Variants in ARHGEF7 observed in about 807,000 individuals in gnomAD.
The protein encoded by ARHGEF7 is Rho guanine nucleotide exchange factor 7.
Under a neutral mutation model 109.8 loss-of-function variants are expected in ARHGEF7, and 33 were observed. The observed-to-expected ratio is 0.30, with a 90% CI of 0.23 to 0.40. The LOEUF (loss-of-function observed/expected upper bound fraction) is 0.40. Among genes scored for constraint, ARHGEF7 ranks in the 10% least tolerant of loss-of-function variants. The pLI is 1.00. For missense variants in ARHGEF7, 938 were observed against 1,098.5 expected (o/e 0.85, Z 2.07); for synonymous variants, 458 against 424.6 (o/e 1.08, Z -0.97).
intron 5 of ARHGEF7, among the ~76,000 whole-genome samples, chr13:111,232,990 G>A (rs995789754): frequency 6.6e-6 from 1 of 152,118 alleles, no homozygotes; most frequent in East Asian, 1.9e-4. Flanking sequence ...AACAGGGTGG[G>A]GATGGGGTGC....
At chr13:111,201,786 C>T (rs1320507645) in intron 2 of ARHGEF7, among the ~76,000 whole-genome samples, 1 of 152,134 alleles carries the variant, frequency 6.6e-6, no homozygotes, top group Non-Finnish European at 1.5e-5. Flanking sequence ...TCTCAGCCCT[C>T]TTCCTTCTTC....
rs193179496 is a variant in ARHGEF7, at chr13:111,266,429, C to T, written c.951-1119C>T. ...GTGCCTTGCACTCTTTCTGTTTAGTCGTGTGATGATTTCTTTGATTGACTT... is the reference window on the plus strand; with the variant it reads ...GTGCCTTGCACTCTTTCTGTTTAGTTGTGTGATGATTTCTTTGATTGACTT... On this transcript the variant is annotated intron_variant, in intron 8 of 21. Transcript: ENST00000646102. The surrounding 1 kb of genome is among the most constrained non-coding windows in gnomAD (Gnocchi z 4.8). Among the ~76,000 whole-genome samples, 12 of 152,134 alleles carry T rather than the reference C, an allele frequency of 7.9e-5. No homozygotes were observed. The East Asian group carries it at 2.1e-3, about 27-fold the overall frequency.
At chr13:111,269,176 G>A (rs1168654196) in intron 9 of ARHGEF7, among the ~76,000 whole-genome samples, 7 of 151,992 alleles carry the variant, frequency 4.6e-5, no homozygotes, top group Non-Finnish European at 8.8e-5. Flanking sequence ...TGTCCACAGC[G>A]TCTCCAAGCG....
intron 5 of ARHGEF7, among the ~76,000 whole-genome samples, chr13:111,230,824 G>C (rs574281135): frequency 6.6e-6 from 1 of 152,206 alleles, no homozygotes; most frequent in African/African-American, 2.4e-5. Flanking sequence ...TTTTTCCTAG[G>C]GGAGAAAAGG....
At chr13:111,299,054 G>A (rs1410777456) in intron 19 of ARHGEF7, among the ~76,000 whole-genome samples, 5 of 152,286 alleles carry the variant, frequency 3.3e-5, no homozygotes, top group Admixed American at 1.3e-4. Flanking sequence ...TCTTATGCCC[G>A]CGAGGATGAA....
intron 5 of ARHGEF7, among the ~76,000 whole-genome samples, chr13:111,218,661 T>C (rs951332467): frequency 1.3e-5 from 2 of 152,196 alleles, no homozygotes; most frequent in East Asian, 3.9e-4. Context: ...AAATTGTAGC[T>C]CTGCTCTAGG....
At chr13:111,286,081 T>C in intron 16 of ARHGEF7, 66 bp from the exon 17 acceptor site, 6 of 1,318,148 alleles carry the variant, frequency 4.6e-6, no homozygotes, top group Non-Finnish European at 6.5e-6. Context: ...ACAGCAGCCT[T>C]TCTGATATGC....
At position 111,131,318 on chromosome 13, in the gene ARHGEF7, T is replaced by G. The variant is rs982524238; in HGVS notation, c.165+15627T>G. Among the ~76,000 whole-genome samples the G allele has an allele frequency of 6.6e-6, 1 of 151,988 alleles. No individual in the cohort carries two copies. Among genetic ancestry groups the G allele is most frequent in the Non-Finnish European group, 1.5e-5 (1 of 68,004 alleles). ...TTTGGGTGACTCCTGGGTTTCTGGT[T>G]GCACAACAGGATAGATGGGGCGGTC... On this transcript the variant is annotated intron_variant, in intron 1 of 21. Transcript: ENST00000646102. The surrounding 1 kb of genome is among the most constrained non-coding windows in gnomAD (Gnocchi z 4.4).
intron 2 of ARHGEF7, among the ~76,000 whole-genome samples, chr13:111,189,569 G>A (rs1330748409): frequency 6.6e-6 from 1 of 152,230 alleles, no homozygotes; most frequent in Non-Finnish European, 1.5e-5. Flanking sequence ...AGAATGAGCA[G>A]CAGCAAGATT....
rs371063902 is a variant in ARHGEF7, at chr13:111,156,701, G to T, written c.252+2710G>T. 2.0e-5 allele frequency among the ~76,000 whole-genome samples: 3 copies of T among 152,222 alleles called. No individual in the cohort carries two copies. In the East Asian group the frequency reaches 5.8e-4, roughly 29 times the overall value. ...TTTCCCAGTGTTTAAGAATTGCTTA[G>T]GGAGTCAGGAGGGAAGGGCCTTGCA... On this transcript the variant is annotated intron_variant, in intron 2 of 21. Coordinates refer to ENST00000646102, the MANE Select transcript of ARHGEF7 (RefSeq NM_001354046.2).
chr13:111,240,076 A>G (rs1285850766), intron 6 of ARHGEF7, among the ~76,000 whole-genome samples: 3 of 152,170 alleles, frequency 2.0e-5, no homozygotes, highest in African/African-American at 7.2e-5. Context: ...AAAAAGGGAA[A>G]CAGACCGATA....
At chr13:111,287,621 C>T (rs541128350) in intron 17 of ARHGEF7, among the ~76,000 whole-genome samples, 5 of 152,330 alleles carry the variant, frequency 3.3e-5, no homozygotes, top group South Asian at 4.1e-4. Context: ...GGTGCCAGGG[C>T]GCCATTTGAG....
intron 4 of ARHGEF7, 41 bp from the exon 5 acceptor site, chr13:111,217,638 T>C (rs2083297826): frequency 6.5e-7 from 1 of 1,536,704 alleles, no homozygotes. Flanking sequence ...AAGTAGACTG[T>C]TCTTGGTATA....
intron 12 of ARHGEF7, among the ~76,000 whole-genome samples, chr13:111,276,972 A>G (rs1238442100): frequency 6.6e-6 from 1 of 152,148 alleles, no homozygotes; most frequent in Non-Finnish European, 1.5e-5. Flanking sequence ...ATGATTTTTA[A>G]TACATAAGTA....
At chr13:111,210,282 A>G (rs2082338550) in intron 4 of ARHGEF7, among the ~76,000 whole-genome samples, 2 of 152,210 alleles carry the variant, frequency 1.3e-5, no homozygotes, top group South Asian at 4.1e-4. Context: ...TTAAAAAAAC[A>G]CACCCCTTGT....
intron 2 of ARHGEF7, among the ~76,000 whole-genome samples, chr13:111,183,179 C>T (rs2078930330): frequency 6.6e-6 from 1 of 152,162 alleles, no homozygotes. Flanking sequence ...TACTAGCAGT[C>T]ACATTGCACG....
At position 111,293,548 on chromosome 13, in the gene ARHGEF7, C is replaced by G. The variant is rs963618702; in HGVS notation, c.2311+1254C>G. 4.1e-6 allele frequency: 4 copies of G among 985,072 alleles called. No homozygotes were observed. In the African/African-American group the frequency reaches 5.3e-5, roughly 13 times the overall value. The allele number at this position is 985,072 out of a possible 1,614,324, so 61.0% of individuals were successfully genotyped here. ...AAAAAGCACTGAATGTGACCTGTTG[C>G]ATTCAGTTGTAGCATCAAATCCACA... On this transcript the variant is annotated intron_variant, in intron 19 of 21. Transcript: ENST00000646102.
intron 17 of ARHGEF7, 98 bp downstream of exon 17, chr13:111,286,338 A>C: frequency 1.0e-6 from 1 of 973,556 alleles, no homozygotes; most frequent in East Asian, 2.5e-5. Flanking sequence ...CTTTCTGAAG[A>C]CTCCAAACAA....
rs1324450620 is a variant in ARHGEF7, at chr13:111,304,443, T to G, written c.*1330T>G. 3 of 152,086 alleles carry G rather than the reference T, an allele frequency of 2.0e-5. No individual in the cohort carries two copies. The highest frequency in any genetic ancestry group is 7.2e-5 in the African/African-American group (3 of 41,452). The allele number at this position is 152,086 out of a possible 1,614,324, so 9.4% of individuals were successfully genotyped here. ...TTGGTTTTAAAGTGAGATACACTTTTCCGTAGAACAAGTGTTCTATCTTTA... is the reference window on the plus strand; with the variant it reads ...TTGGTTTTAAAGTGAGATACACTTTGCCGTAGAACAAGTGTTCTATCTTTA... On this transcript the variant is annotated 3_prime_UTR_variant, in exon 22 of 22. Transcript: ENST00000646102.
Sources: allele counts gnomAD v4.1 joint callset (sites outside exome capture counted in the v4.1 genomes callset), GRCh38; gene constraint gnomAD v4.1.1; non-coding constraint Gnocchi (gnomAD v3.1); transcripts MANE v1.5; gene names NCBI Gene and HGNC (gene_info 2026-07-23, HGNC 2026-07-21).